Variants in PTPRD observed in about 807,000 individuals in gnomAD.
PTPRD encodes protein tyrosine phosphatase receptor type D, also known as receptor-type tyrosine-protein phosphatase delta.
PTPRD carries 34 observed loss-of-function variants against 214.5 expected under a neutral mutation model. The ratio of observed to expected loss-of-function variants is 0.16; its 90% CI spans 0.12 to 0.21. The LOEUF is 0.21. Among genes scored for constraint, PTPRD ranks in the 10% least tolerant of loss-of-function variants. The pLI, the probability that PTPRD is intolerant of heterozygous loss-of-function variation, is 1.00. For missense variants in PTPRD, 2,545 were observed against 2,398.7 expected, an observed-to-expected ratio of 1.06 and a Z score of -1.27; for synonymous variants, 1,128 against 845.7, an observed-to-expected ratio of 1.33 and a Z score of -5.79.
intron 4 of PTPRD, among the ~76,000 whole-genome samples, chr9:9,962,385 T>C (rs991302897): frequency 6.6e-6 from 1 of 152,096 alleles, no homozygotes; most frequent in African/African-American, 2.4e-5. Context: ...ACAAACAATT[T>C]GATTTCCTAT....
intron 14 of PTPRD, among the ~76,000 whole-genome samples, chr9:8,611,789 G>C (rs1348239506): frequency 7.0e-6 from 1 of 143,618 alleles, no homozygotes; most frequent in Non-Finnish European, 1.5e-5. Context: ...GGAGGGGAGG[G>C]GAGAGAAAAG....
intron 4 of PTPRD, among the ~76,000 whole-genome samples, chr9:9,947,079 T>A (rs985517707): frequency 6.6e-6 from 1 of 150,536 alleles, no homozygotes; most frequent in Non-Finnish European, 1.5e-5. Context: ...AAAGAAATGA[T>A]CTTTTTATAA....
rs975544411 is a variant in PTPRD, at chr9:9,946,086, G to A, written c.-471-7476C>T. Among the ~76,000 whole-genome samples the A allele has an allele frequency of 3.7e-4, 16 of 43,522 alleles. No individual in the cohort carries two copies. In the Admixed American group the frequency reaches 3.8e-3, roughly 10 times the overall value. 28.6% of individuals were successfully genotyped at this position (43,522 alleles called of 152,430 possible). ...GGAAAGTCATCCTTCACTTTCCCAAGCTGGACACTGTTTACAGAGGAGTAC... is the reference window on the plus strand; with the variant it reads ...GGAAAGTCATCCTTCACTTTCCCAAACTGGACACTGTTTACAGAGGAGTAC... On this transcript the variant is annotated intron_variant, in intron 4 of 45. Coordinates refer to ENST00000381196, the MANE Select transcript of PTPRD (RefSeq NM_002839.4).
At chr9:10,206,186 G>A (rs1334063600) in intron 3 of PTPRD, among the ~76,000 whole-genome samples, 2 of 152,048 alleles carry the variant, frequency 1.3e-5, no homozygotes, top group Non-Finnish European at 2.9e-5. Context: ...TAGCACGCAT[G>A]AAATCAAAAG....
intron 2 of PTPRD, among the ~76,000 whole-genome samples, chr9:10,567,428 G>A (rs1009864899): frequency 6.6e-6 from 1 of 151,986 alleles, no homozygotes; most frequent in Non-Finnish European, 1.5e-5. Context: ...TAAGTGATAA[G>A]TTTTCAATTG....
rs370273383 is a variant in PTPRD, at chr9:9,157,347, C to G, written c.-143+25957G>C. Among the ~76,000 whole-genome samples the G allele has an allele frequency of 5.9e-5, 9 of 151,758 alleles. No individual in the cohort carries two copies. The East Asian group carries it at 7.7e-4, about 13-fold the overall frequency. ...AAAAATTAACAAAACTAAGAGATAG[C>G]TTTTTGAAAAGACAAACAAAATCAA... is the stretch of plus-strand genomic sequence containing the variant. On this transcript the variant is annotated intron_variant, in intron 10 of 45. Transcript: ENST00000381196.
At chr9:9,750,960 G>A (rs369385194) in intron 6 of PTPRD, among the ~76,000 whole-genome samples, 1 of 152,060 alleles carries the variant, frequency 6.6e-6, no homozygotes, top group Non-Finnish European at 1.5e-5. Flanking sequence ...TCATTAAAGT[G>A]CATTAAATCA....
chr9:10,378,448 C>T (rs541578795), intron 2 of PTPRD, among the ~76,000 whole-genome samples: 65 of 152,010 alleles, frequency 4.3e-4, no homozygotes, highest in Middle Eastern at 6.8e-3. Flanking sequence ...AGTTTGAGGT[C>T]TTAAGTTTAA....
intron 14 of PTPRD, among the ~76,000 whole-genome samples, chr9:8,595,404 T>G (rs1239566211): frequency 6.6e-6 from 1 of 152,118 alleles, no homozygotes; most frequent in Non-Finnish European, 1.5e-5. Flanking sequence ...AGTTTAGAAT[T>G]TAAATGCCAT....
chr9:9,865,488 G>A (rs1298239095), intron 5 of PTPRD, among the ~76,000 whole-genome samples: 1 of 152,048 alleles, frequency 6.6e-6, no homozygotes, highest in African/African-American at 2.4e-5. Context: ...TGTCACCTAG[G>A]GACACCACAG....
rs1470912471 is a variant in PTPRD at position 10,120,758 on chromosome 9, C to A, written c.-544-86968G>T. Among the ~76,000 whole-genome samples the A allele has an allele frequency of 2.0e-5, 3 of 152,084 alleles. No individual in the cohort carries two copies. The East Asian group carries it at 5.8e-4, about 29-fold the overall frequency. ...TCTTCAATAAATCCTACTTGAGGAG[C>A]CAACGATAATCCCATGAAAGCAGAG... is the stretch of plus-strand genomic sequence containing the variant. On this transcript the variant is annotated intron_variant, in intron 3 of 45. Coordinates refer to ENST00000381196, the MANE Select transcript of PTPRD (RefSeq NM_002839.4).
At chr9:10,015,994 A>T (rs942932877) in intron 4 of PTPRD, among the ~76,000 whole-genome samples, 1 of 152,150 alleles carries the variant, frequency 6.6e-6, no homozygotes, top group African/African-American at 2.4e-5. Context: ...ATATACTTGA[A>T]TCGACTTCTC....
chr9:10,512,006 A>ATG (rs1290367465), intron 2 of PTPRD, among the ~76,000 whole-genome samples: 3 of 91,620 alleles, frequency 3.3e-5, no homozygotes, highest in Non-Finnish European at 6.3e-5. Flanking sequence ...GTATATATAT[A>ATG]TATACGTGTG....
rs935636805 is a variant in PTPRD, at chr9:9,089,986, T to G, written c.-142-71251A>C. Among the ~76,000 whole-genome samples, 3 of 152,242 alleles carry G rather than the reference T, an allele frequency of 2.0e-5. No homozygotes were observed. The South Asian group carries it at 6.2e-4, about 31-fold the overall frequency. On this transcript the variant is annotated intron_variant, in intron 10 of 45. Coordinates refer to ENST00000381196, the MANE Select transcript of PTPRD (RefSeq NM_002839.4). ...TATTTATGGGGTATATGTGATATTT[T>G]GATACATGCATACATGTGTAATGAT...
At chr9:10,454,412 A>C (rs767057679) in intron 2 of PTPRD, among the ~76,000 whole-genome samples, 1 of 151,616 alleles carries the variant, frequency 6.6e-6, no homozygotes, top group Non-Finnish European at 1.5e-5. Flanking sequence ...TCCTCAGAAT[A>C]CTTTTTTTAA....
chr9:9,841,098 T>C (rs1226822725), intron 5 of PTPRD, among the ~76,000 whole-genome samples: 1 of 152,190 alleles, frequency 6.6e-6, no homozygotes. Flanking sequence ...CTATTTTTCT[T>C]GTTAAATTTG....
At chr9:10,482,223 T>C (rs2099103796) in intron 2 of PTPRD, among the ~76,000 whole-genome samples, 1 of 151,626 alleles carries the variant, frequency 6.6e-6, no homozygotes, top group South Asian at 2.1e-4. Context: ...TACAAAAAAT[T>C]AGCCGGGCGT....
At chr9:9,917,390 C>G (rs10978085) in intron 5 of PTPRD, among the ~76,000 whole-genome samples, 88,183 of 126,040 alleles carry the variant, frequency 0.7, 31,548 homozygotes, top group Non-Finnish European at 0.81. Flanking sequence ...GAATACAAAA[C>G]ATTATTAGAG....
chr9:9,455,869 G>T (rs749816240), intron 8 of PTPRD, among the ~76,000 whole-genome samples: 1 of 151,588 alleles, frequency 6.6e-6, no homozygotes, highest in Non-Finnish European at 1.5e-5. Flanking sequence ...AGGGAAAGAG[G>T]GACCACATGA....
Sources: gnomAD v4.1 joint callset for allele counts (sites outside exome capture counted in the v4.1 genomes callset) on GRCh38, gnomAD v4.1.1 for gene constraint, MANE v1.5 for transcripts, NCBI Gene and HGNC (gene_info 2026-07-23, HGNC 2026-07-21) for gene names.